ZNF362: variants seen among roughly 807,000 people sequenced by gnomAD.
ZNF362 encodes rotund homolog.
In ZNF362, 11 loss-of-function variants were observed where a neutral mutation model predicts 42.9. The observed-to-expected ratio is 0.26, with a 90% confidence interval of 0.16 to 0.42. The LOEUF is 0.42. Ranked by LOEUF, ZNF362 falls within the 20% of genes least tolerant of loss-of-function variation. The pLI, the probability that ZNF362 is intolerant of heterozygous loss-of-function variation, is 1.00. For synonymous variants in ZNF362, 255 were observed against 257.3 expected, an observed-to-expected ratio of 0.99 and a Z score of 0.09; for missense variants, 362 against 576.2, an observed-to-expected ratio of 0.63 and a Z score of 3.81.
chr1:33,291,628 G>A (rs1646078870), intron 6 of ZNF362, among the ~76,000 whole-genome samples: 1 of 152,178 alleles, frequency 6.6e-6, no homozygotes, highest in Non-Finnish European at 1.5e-5. Flanking sequence ...TGATTGGGAT[G>A]ACATTGAATC....
At chr1:33,175,203 C>G in the ZNF362 span, among the ~76,000 whole-genome samples, 1 of 143,990 alleles carries the variant, frequency 6.9e-6, no homozygotes, top group South Asian at 2.1e-4. Context: ...GAATGCCCAG[C>G]TAATTTTTTT....
chr1:33,151,322 G>A, the ZNF362 span, among the ~76,000 whole-genome samples: 5 of 152,074 alleles, frequency 3.3e-5, no homozygotes, highest in Non-Finnish European at 7.4e-5. Context: ...TCTCTTAGGC[G>A]GGGGTGTGGC....
the ZNF362 span, among the ~76,000 whole-genome samples, chr1:33,208,060 T>C: frequency 6.6e-6 from 1 of 152,206 alleles, no homozygotes. Flanking sequence ...GGTTTTCTTC[T>C]AGGGTTTTTA....
chr1:33,225,198 C>G, the ZNF362 span, among the ~76,000 whole-genome samples: 1 of 152,130 alleles, frequency 6.6e-6, no homozygotes, highest in African/African-American at 2.4e-5. Flanking sequence ...TTGCCCTCAT[C>G]ATCTTTAAGT....
At chr1:33,165,833 C>T in the ZNF362 span, 2 of 309,958 alleles carry the variant, frequency 6.5e-6, no homozygotes, top group Non-Finnish European at 1.2e-5. The surrounding 1 kb of genome is among the most constrained non-coding windows in gnomAD (Gnocchi z 4.0). Flanking sequence ...TCGACTTCCA[C>T]ATACACACTC....
the ZNF362 span, chr1:33,181,622 G>T: frequency 9.3e-7 from 1 of 1,072,148 alleles, no homozygotes; most frequent in Non-Finnish European, 1.3e-6. This position sits in a 1 kb window ranked among gnomAD's most constrained non-coding sequence, Gnocchi z 6.5. Flanking sequence ...GCGCGGCTGA[G>T]ACTCCGTGGG....
chr1:33,161,794 C>T, the ZNF362 span, among the ~76,000 whole-genome samples: 2 of 152,196 alleles, frequency 1.3e-5, no homozygotes, highest in Non-Finnish European at 2.9e-5. This position sits in a 1 kb window ranked among gnomAD's most constrained non-coding sequence, Gnocchi z 4.3. Flanking sequence ...GACCACTCTG[C>T]AGCACTTAGC....
At chr1:33,194,767 A>C in the ZNF362 span, 3 of 152,118 alleles carry the variant, frequency 2.0e-5, no homozygotes. Flanking sequence ...AGTTCTTGGC[A>C]CATAGAGAGT....
chr1:33,147,387 C>T, the ZNF362 span: 2 of 1,614,134 alleles, frequency 1.2e-6, no homozygotes, highest in Non-Finnish European at 1.7e-6. The surrounding 1 kb of genome is among the most constrained non-coding windows in gnomAD (Gnocchi z 8.1). Flanking sequence ...GGACGTTAAG[C>T]CGCGTCCAGG....
chr1:33,220,731 A>G, the ZNF362 span, among the ~76,000 whole-genome samples: 1 of 152,086 alleles, frequency 6.6e-6, no homozygotes, highest in East Asian at 1.9e-4. Context: ...CAGTTTCCCC[A>G]TCTGTCCAAC....
the ZNF362 span, among the ~76,000 whole-genome samples, chr1:33,148,870 CA>C: frequency 2.6e-5 from 4 of 152,206 alleles, no homozygotes; most frequent in Non-Finnish European, 5.9e-5. Context: ...AGAGGGGAGA[CA>C]TGACAAACTT....
chr1:33,130,075 T>G, the ZNF362 span, among the ~76,000 whole-genome samples: 1 of 152,152 alleles, frequency 6.6e-6, no homozygotes, highest in Non-Finnish European at 1.5e-5. Flanking sequence ...GTCAGGCTAG[T>G]CTCAAACTCC....
At chr1:33,194,379 T>A in the ZNF362 span, among the ~76,000 whole-genome samples, 1 of 151,638 alleles carries the variant, frequency 6.6e-6, no homozygotes, top group Non-Finnish European at 1.5e-5. Flanking sequence ...CTACTAAAAA[T>A]ACAAAAAATT....
At chr1:33,173,011 A>G in the ZNF362 span, among the ~76,000 whole-genome samples, 1 of 152,060 alleles carries the variant, frequency 6.6e-6, no homozygotes, top group Non-Finnish European at 1.5e-5. Flanking sequence ...CCTCTTCTCC[A>G]TGTCTGGGTA....
chr1:33,280,024 T>C lies in ZNF362; in HGVS notation c.350-100T>C, dbSNP rs113993082. On this transcript the variant is annotated intron_variant, in intron 4 of 8. Coordinates refer to ENST00000539719, the MANE Select transcript of ZNF362 (RefSeq NM_152493.3). The surrounding 1 kb of genome is among the most constrained non-coding windows in gnomAD (Gnocchi z 5.6). ...CCCCTGGGTAATAACTTATGAACGT[T>C]AAGGGGATGCTCGCCTGCCAAAATC... 2 of 1,399,356 alleles carry C rather than the reference T, an allele frequency of 1.4e-6. No individual in the cohort carries two copies. The highest frequency in any genetic ancestry group is 1.4e-5 in the African/African-American group (1 of 69,474). 86.7% of individuals were successfully genotyped at this position (1,399,356 alleles called of 1,614,324 possible).
At chr1:33,175,640 G>A in the ZNF362 span, among the ~76,000 whole-genome samples, 1 of 152,170 alleles carries the variant, frequency 6.6e-6, no homozygotes, top group South Asian at 2.1e-4. Context: ...AGACCACTTT[G>A]AATCTCAGCT....
the ZNF362 span, among the ~76,000 whole-genome samples, chr1:33,225,294 C>A: frequency 6.7e-3 from 1,013 of 152,274 alleles, 11 homozygotes; most frequent in African/African-American, 0.023. Context: ...TGGTACTCCT[C>A]ATCCTTCTTC....
At chr1:33,290,551 G>T (rs1314591827) in intron 6 of ZNF362, among the ~76,000 whole-genome samples, 8 of 151,964 alleles carry the variant, frequency 5.3e-5, no homozygotes, top group African/African-American at 9.7e-5. Context: ...TATAGCAGCA[G>T]GATTTATAAT....
At chr1:33,164,996 T>C in the ZNF362 span, 1 of 151,432 alleles carries the variant, frequency 6.6e-6, no homozygotes, top group African/African-American at 2.4e-5. Flanking sequence ...CTCGTTATAT[T>C]GGCCAGGCTG....
Sources: gnomAD v4.1 joint callset for allele counts (sites outside exome capture counted in the v4.1 genomes callset) on GRCh38, gnomAD v4.1.1 for gene constraint, Gnocchi (gnomAD v3.1) non-coding constraint, MANE v1.5 for transcripts, NCBI Gene and HGNC (gene_info 2026-07-23, HGNC 2026-07-21) for gene names.